Variants in DIP2C observed in about 807,000 individuals in gnomAD.
DIP2C encodes the protein disco-interacting protein 2 homolog C.
In DIP2C, 33 loss-of-function variants were observed where a neutral mutation model predicts 192.4. That is an observed-to-expected ratio of 0.17 (90% confidence interval 0.13 to 0.23). The LOEUF (loss-of-function observed/expected upper bound fraction) is 0.23, where lower values mean the gene tolerates loss of function less well. Ranked by LOEUF, DIP2C falls within the 10% of genes least tolerant of loss-of-function variation. The pLI, the probability that DIP2C is intolerant of heterozygous loss-of-function variation, is 1.00. For synonymous variants in DIP2C, 979 were observed against 864.1 expected, an observed-to-expected ratio of 1.13 and a Z score of -2.33; for missense variants, 1,537 against 2,110.1, an observed-to-expected ratio of 0.73 and a Z score of 5.32.
chr10:396,200 T>G (rs1319177110), intron 10 of DIP2C, among the ~76,000 whole-genome samples: 2 of 152,224 alleles, frequency 1.3e-5, no homozygotes, highest in Non-Finnish European at 2.9e-5. Flanking sequence ...AATTCATTAT[T>G]TCAAAGCATC....
chr10:307,016 TC>T (rs1956354904), intron 32 of DIP2C, among the ~76,000 whole-genome samples: 2 of 152,066 alleles, frequency 1.3e-5, no homozygotes, highest in African/African-American at 4.8e-5. Flanking sequence ...CTCTACCAGC[TC>T]CCGGGAGAGC....
At chr10:548,295 C>T (rs917120743) in intron 1 of DIP2C, among the ~76,000 whole-genome samples, 11 of 137,412 alleles carry the variant, frequency 8.0e-5, no homozygotes, top group Middle Eastern at 4.4e-3. Flanking sequence ...CTGGAGTTGT[C>T]GCCCAGAGAC....
At chr10:664,152 A>G (rs1429250504) in intron 1 of DIP2C, 1 of 150,084 alleles carries the variant, frequency 6.7e-6, no homozygotes, top group Admixed American at 6.6e-5. Flanking sequence ...CGTAGTGCCA[A>G]GGGGAAAAGC....
intron 3 of DIP2C, among the ~76,000 whole-genome samples, chr10:445,273 A>T (rs918438177): frequency 2.7e-5 from 4 of 150,020 alleles, no homozygotes; most frequent in Admixed American, 6.6e-5. Context: ...TCTGTATACA[A>T]CTGTTGTGAA....
At chr10:616,513 G>GC (rs1387045443) in intron 1 of DIP2C, among the ~76,000 whole-genome samples, 1 of 152,176 alleles carries the variant, frequency 6.6e-6, no homozygotes, top group African/African-American at 2.4e-5. Context: ...CCATCAGCGG[G>GC]CCCACTGAAC....
chr10:594,349 G>A (rs191794557), intron 1 of DIP2C, among the ~76,000 whole-genome samples: 7 of 152,122 alleles, frequency 4.6e-5, no homozygotes, highest in South Asian at 2.1e-4. Context: ...GACCTGGCAC[G>A]GCCGAGTACA....
chr10:300,022 T>C (rs1955944310), intron 32 of DIP2C, among the ~76,000 whole-genome samples: 1 of 152,120 alleles, frequency 6.6e-6, no homozygotes, highest in African/African-American at 2.4e-5. Context: ...CTACTGTTGG[T>C]GAGCACACGG....
chr10:662,013 G>A (rs1423945285), intron 1 of DIP2C: 7 of 714,060 alleles, frequency 9.8e-6, no homozygotes, highest in East Asian at 2.7e-5. Context: ...TCGCCATGGC[G>A]AGTGCCCCGC....
intron 1 of DIP2C, among the ~76,000 whole-genome samples, chr10:612,988 G>A (rs1409559851): frequency 6.6e-6 from 1 of 152,164 alleles, no homozygotes; most frequent in African/African-American, 2.4e-5. Flanking sequence ...CTGCAGCAGT[G>A]ATGAACGCTG....
chr10:287,619 T>C (rs1955215792), intron 33 of DIP2C, among the ~76,000 whole-genome samples: 1 of 147,590 alleles, frequency 6.8e-6, no homozygotes, highest in Non-Finnish European at 1.5e-5. Flanking sequence ...CATGAGATGC[T>C]CTTAGAATTA....
chr10:685,297 G>C (rs957965105), intron 1 of DIP2C, among the ~76,000 whole-genome samples: 7 of 151,530 alleles, frequency 4.6e-5, no homozygotes, highest in Non-Finnish European at 8.8e-5. Flanking sequence ...GTTCTCCCCT[G>C]CTGAAAAAAC....
chr10:547,169 G>A (rs1046482103), intron 1 of DIP2C, among the ~76,000 whole-genome samples: 2 of 152,210 alleles, frequency 1.3e-5, no homozygotes, highest in Non-Finnish European at 2.9e-5. Context: ...TCCCGGTGCT[G>A]CAGCGGGACT....
chr10:415,598 G>A (rs766602579), intron 7 of DIP2C, among the ~76,000 whole-genome samples, 171 bp downstream of exon 7: 2 of 152,128 alleles, frequency 1.3e-5, no homozygotes, highest in South Asian at 2.1e-4. Context: ...GAGACCTGCC[G>A]ACACCAAGGC....
chr10:353,077 TAAG>T (rs1313163115), intron 24 of DIP2C, among the ~76,000 whole-genome samples: 2 of 152,148 alleles, frequency 1.3e-5, no homozygotes, highest in East Asian at 1.9e-4. Flanking sequence ...ACCCACCAGC[TAAG>T]AAGAAGGTTC....
Position 689,395 on chromosome 10 carries a change from C to T in DIP2C, c.85+99G>A. 1 of 705,802 alleles carries T rather than the reference C, an allele frequency of 1.4e-6. No homozygotes were observed. The allele number at this position is 705,802 out of a possible 1,614,324, so 43.7% of individuals were successfully genotyped here. On this transcript the variant is annotated intron_variant, in intron 1 of 36. Coordinates refer to ENST00000280886, the MANE Select transcript of DIP2C (RefSeq NM_014974.3). The surrounding 1 kb of genome is among the most constrained non-coding windows in gnomAD (Gnocchi z 6.1). ...CTGGGGTCGCACCTCCCCCTCCGGG[C>T]CCGGCCCCCGCCCCGCCGCAGGCCC... is the stretch of plus-strand genomic sequence containing the variant.
chr10:316,303 G>GT (rs1956770811), intron 31 of DIP2C, among the ~76,000 whole-genome samples: 1 of 152,190 alleles, frequency 6.6e-6, no homozygotes, highest in African/African-American at 2.4e-5. Flanking sequence ...CCCCAGAAAA[G>GT]AATTTACAAG....
chr10:593,197 T>G (rs572739547), intron 1 of DIP2C, among the ~76,000 whole-genome samples: 110 of 152,046 alleles, frequency 7.2e-4, no homozygotes, highest in Non-Finnish European at 1.3e-3. Context: ...TCACTGGGTT[T>G]CCATCCCTGC....
At chr10:407,569 T>C (rs1964895081) in intron 9 of DIP2C, among the ~76,000 whole-genome samples, 1 of 152,122 alleles carries the variant, frequency 6.6e-6, no homozygotes, top group African/African-American at 2.4e-5. Context: ...GGTTCCGACT[T>C]CCCCACATCC....
At chr10:645,143 TCTC>T (rs1425844717) in intron 1 of DIP2C, among the ~76,000 whole-genome samples, 3 of 152,104 alleles carry the variant, frequency 2.0e-5, no homozygotes, top group Non-Finnish European at 4.4e-5. Flanking sequence ...GCCTCAGACT[TCTC>T]CTCTACAACA....
Sources: gnomAD v4.1 joint callset for allele counts (sites outside exome capture counted in the v4.1 genomes callset) on GRCh38, gnomAD v4.1.1 for gene constraint, Gnocchi (gnomAD v3.1) non-coding constraint, MANE v1.5 for transcripts, NCBI Gene and HGNC (gene_info 2026-07-23, HGNC 2026-07-21) for gene names.